CSMD1: variants seen among roughly 807,000 people sequenced by gnomAD.
CSMD1 encodes CUB and Sushi multiple domains 1.
Under a neutral mutation model 417.5 loss-of-function variants are expected in CSMD1, and 213 were observed. That is an observed-to-expected ratio of 0.51 (90% CI 0.46 to 0.57). The LOEUF is 0.57. Among genes scored for constraint, CSMD1 ranks in the 20% least tolerant of loss-of-function variants. CSMD1 has a pLI of 0.00. For missense variants in CSMD1, 6,923 were observed against 4,529.7 expected (o/e 1.53, Z -15.17); for synonymous variants, 2,862 against 1,736.8 (o/e 1.65, Z -16.11).
At position 3,338,406 on chromosome 8, in the gene CSMD1, A is replaced by G. The variant is rs182897003; in HGVS notation, c.3631+4888T>C. Among the ~76,000 whole-genome samples, 316 of 152,358 alleles carry G rather than the reference A, an allele frequency of 2.1e-3. 3 individuals carry two copies. Among genetic ancestry groups the G allele is most frequent in the African/African-American group, 7.2e-3 (300 of 41,592 alleles). On this transcript the variant is annotated intron_variant, in intron 23 of 69. Coordinates refer to ENST00000635120, the MANE Select transcript of CSMD1 (RefSeq NM_033225.6). ...AAAATAATGGAAATTGTGTAAATCA[A>G]AACACAGCTAAGTACAAGAAAGGGA...
intron 1 of CSMD1, among the ~76,000 whole-genome samples, chr8:4,722,309 T>G (rs1451698325): frequency 6.6e-6 from 1 of 151,866 alleles, no homozygotes; most frequent in Non-Finnish European, 1.5e-5. Flanking sequence ...AAAAAAATTG[T>G]TTTGGTGAAG....
At chr8:4,641,500 T>C (rs1310438373) in intron 1 of CSMD1, among the ~76,000 whole-genome samples, 1 of 152,186 alleles carries the variant, frequency 6.6e-6, no homozygotes, top group Non-Finnish European at 1.5e-5. Context: ...CATTTTCACA[T>C]ATACTCTTTG....
intron 7 of CSMD1, among the ~76,000 whole-genome samples, chr8:3,642,950 A>G (rs1042792852): frequency 1.3e-5 from 2 of 152,070 alleles, no homozygotes; most frequent in African/African-American, 4.8e-5. Flanking sequence ...TTAAAATAAA[A>G]AAATACAAAT....
rs548898371 is a variant in CSMD1 at position 4,006,061 on chromosome 8, A to C, written c.611-7951T>G. The stretch of plus-strand genomic sequence containing the variant: ...AAAAAAAGGAACTATTCAAGGAATG[A>C]GCTGGAGGAAGAGCATTCCCAACAG... On this transcript the variant is annotated intron_variant, in intron 4 of 69. Transcript: ENST00000635120. 1.3e-3 allele frequency among the ~76,000 whole-genome samples: 200 copies of C among 152,352 alleles called. No individual in the cohort carries two copies. In the Middle Eastern group the frequency reaches 0.017, roughly 13 times the overall value.
intron 6 of CSMD1, among the ~76,000 whole-genome samples, chr8:3,725,789 T>C (rs1346066942): frequency 6.6e-6 from 1 of 152,130 alleles, no homozygotes; most frequent in Non-Finnish European, 1.5e-5. Flanking sequence ...TGAAAACCAT[T>C]GATCTAGGAA....
chr8:4,769,178 G>A (rs1012592292), intron 1 of CSMD1, among the ~76,000 whole-genome samples: 1 of 151,968 alleles, frequency 6.6e-6, no homozygotes, highest in South Asian at 2.1e-4. Flanking sequence ...TGTAAGATGT[G>A]GCTAATAACA....
chr8:3,415,639 C>T (rs768275595), intron 12 of CSMD1, among the ~76,000 whole-genome samples: 7 of 152,190 alleles, frequency 4.6e-5, no homozygotes, highest in Non-Finnish European at 8.8e-5. Context: ...CGATTACAGG[C>T]GTGAGCCATT....
chr8:4,510,784 C>T (rs1180001672), intron 2 of CSMD1, among the ~76,000 whole-genome samples: 1 of 142,212 alleles, frequency 7.0e-6, no homozygotes, highest in Non-Finnish European at 1.5e-5. Flanking sequence ...TCCCCTTTCT[C>T]TTCCTTCCCC....
chr8:4,895,419 G>A (rs1463244451), intron 1 of CSMD1, among the ~76,000 whole-genome samples: 1 of 152,082 alleles, frequency 6.6e-6, no homozygotes, highest in Non-Finnish European at 1.5e-5. Flanking sequence ...TGCAAAGCCT[G>A]AGTAAATTTC....
chr8:4,125,906 T>C (rs935969606), intron 3 of CSMD1, among the ~76,000 whole-genome samples: 1 of 152,150 alleles, frequency 6.6e-6, no homozygotes, highest in Non-Finnish European at 1.5e-5. Context: ...ACACGCAGCC[T>C]CTGGCTCCAA....
At chr8:4,845,006 A>G (rs1801050929) in intron 1 of CSMD1, among the ~76,000 whole-genome samples, 1 of 152,158 alleles carries the variant, frequency 6.6e-6, no homozygotes, top group Non-Finnish European at 1.5e-5. Context: ...TCATTTTCAC[A>G]TAATACTTAG....
chr8:4,768,611 T>C (rs1175591226), intron 1 of CSMD1, among the ~76,000 whole-genome samples: 1 of 152,152 alleles, frequency 6.6e-6, no homozygotes, highest in Non-Finnish European at 1.5e-5. Context: ...TCTGTTTACC[T>C]GGTCTTCTCT....
Position 3,523,792 on chromosome 8 carries a change from T to C in CSMD1, c.1345-30066A>G, listed in dbSNP as rs538574094. ...ACACACATGCACACCCAGAGACATA[T>C]GCACACATGTGCACATACACACACG... On this transcript the variant is annotated intron_variant, in intron 10 of 69. Transcript: ENST00000635120. Among the ~76,000 whole-genome samples, 509 of 136,204 alleles carry C rather than the reference T, an allele frequency of 3.7e-3. 3 individuals carry two copies. The highest frequency in any genetic ancestry group is 9.6e-3 in the Admixed American group (136 of 14,142). The allele number at this position is 136,204 out of a possible 152,430, so 89.4% of individuals were successfully genotyped here.
intron 33 of CSMD1, among the ~76,000 whole-genome samples, chr8:3,195,318 A>G (rs1796645569): frequency 6.6e-6 from 1 of 152,146 alleles, no homozygotes; most frequent in Non-Finnish European, 1.5e-5. Context: ...CGGAGCAGGC[A>G]GGAAAGAGAA....
intron 53 of CSMD1, 45 bp from the exon 54 acceptor site, chr8:2,998,229 C>G: frequency 6.3e-7 from 1 of 1,580,200 alleles, no homozygotes; most frequent in South Asian, 1.1e-5. Context: ...TTGAACAGGT[C>G]ATCACTTTCC....
intron 12 of CSMD1, among the ~76,000 whole-genome samples, chr8:3,429,684 G>C (rs955870605): frequency 6.6e-6 from 1 of 152,162 alleles, no homozygotes; most frequent in African/African-American, 2.4e-5. Flanking sequence ...TGCATTTCTT[G>C]TGCATAAAGT....
At chr8:3,394,003 A>AATAATAAT (rs1554536966) in intron 17 of CSMD1, among the ~76,000 whole-genome samples, 1 of 47,534 alleles carries the variant, frequency 2.1e-5, no homozygotes, top group East Asian at 6.4e-4. Flanking sequence ...ATAATAATAA[A>AATAATAAT]AAAATAAATT....
At chr8:4,815,483 G>C (rs1375535833) in intron 1 of CSMD1, among the ~76,000 whole-genome samples, 2 of 151,768 alleles carry the variant, frequency 1.3e-5, no homozygotes, top group Non-Finnish European at 2.9e-5. Flanking sequence ...ATCACATGAG[G>C]TCAGGAGATC....
intron 3 of CSMD1, among the ~76,000 whole-genome samples, chr8:4,277,967 C>G (rs1264117849): frequency 1.3e-5 from 2 of 152,092 alleles, no homozygotes; most frequent in African/African-American, 4.8e-5. Flanking sequence ...CCAGGCTGGT[C>G]TTGAACTCCT....
Sources: allele counts gnomAD v4.1 joint callset (sites outside exome capture counted in the v4.1 genomes callset), GRCh38; gene constraint gnomAD v4.1.1; transcripts MANE v1.5; gene names NCBI Gene and HGNC (gene_info 2026-07-23, HGNC 2026-07-21).